Variants in LRRIQ1 observed in about 807,000 individuals in gnomAD.
LRRIQ1 encodes leucine-rich repeat- and IQ domain-containing protein 1.
A neutral mutation model predicts 211.9 loss-of-function variants in LRRIQ1; 210 were observed. The observed-to-expected ratio is 0.99, with a 90% confidence interval of 0.89 to 1.11. The LOEUF is 1.11. Ranked by LOEUF, LRRIQ1 falls within the 50% of genes most tolerant of loss-of-function variation. LRRIQ1 has a pLI of 0.00. For missense variants in LRRIQ1, 2,136 were observed against 1,939.5 expected (o/e 1.10, Z -1.90); for synonymous variants, 699 against 650.1 (o/e 1.08, Z -1.14).
chr12:85,105,469 C>T (rs1476421719), intron 14 of LRRIQ1, among the ~76,000 whole-genome samples: 1 of 151,986 alleles, frequency 6.6e-6, no homozygotes, highest in Non-Finnish European at 1.5e-5. Flanking sequence ...AATTACTTTG[C>T]CACCTTTGTG....
intron 11 of LRRIQ1, among the ~76,000 whole-genome samples, chr12:85,090,590 T>A (rs1229036626): frequency 6.6e-6 from 1 of 152,162 alleles, no homozygotes; most frequent in Non-Finnish European, 1.5e-5. Context: ...CCTTGCTGGG[T>A]TTTGAATTTG....
intron 24 of LRRIQ1, among the ~76,000 whole-genome samples, chr12:85,183,623 T>C (rs1263208814): frequency 3.3e-5 from 5 of 152,162 alleles, no homozygotes; most frequent in Non-Finnish European, 1.5e-5. Context: ...AATAATTATG[T>C]GATTTTATCC....
intron 24 of LRRIQ1, among the ~76,000 whole-genome samples, chr12:85,196,058 A>G (rs1892888894): frequency 6.6e-6 from 1 of 152,116 alleles, no homozygotes; most frequent in Admixed American, 6.6e-5. Context: ...CCAAATCATG[A>G]GTGAACTCCC....
chr12:85,230,270 G>A (rs772543083), intron 25 of LRRIQ1, among the ~76,000 whole-genome samples: 17 of 152,114 alleles, frequency 1.1e-4, no homozygotes, highest in Non-Finnish European at 2.2e-4. Flanking sequence ...TACCAGATTG[G>A]GTAGTTTAAA....
rs149387960 is a variant in LRRIQ1, at chr12:85,057,005, A to T, written c.2212A>T (p.Ile738Phe). The change falls in exon 8 of 27, where the codon ATT becomes TTT. Residue 738 changes from isoleucine to phenylalanine, a missense_variant. Transcript: ENST00000393217. ...CVSESTLLYS[I>F]EERRLAWIKS... The stretch of plus-strand genomic sequence containing the variant: ...ATCAGAGTCAACCCTTCTATATTCT[A>T]TTGAAGAAAGGAGACTAGCCTGGAT... 4 of 1,605,858 alleles carry T rather than the reference A, an allele frequency of 2.5e-6. No homozygotes were observed. The highest frequency in any genetic ancestry group is 8.5e-7 in the Non-Finnish European group (1 of 1,177,458).
chr12:85,151,554 T>C (rs1890243864), intron 19 of LRRIQ1, among the ~76,000 whole-genome samples: 1 of 151,636 alleles, frequency 6.6e-6, no homozygotes, highest in African/African-American at 2.4e-5. Flanking sequence ...ATATATTCAA[T>C]CAAGTAAAAA....
chr12:85,046,251 T>A, intron 5 of LRRIQ1, 114 bp downstream of exon 5: 2 of 616,108 alleles, frequency 3.2e-6, no homozygotes, highest in Non-Finnish European at 5.8e-6. Flanking sequence ...GCAATTACAA[T>A]GTTTGAAGAT....
At chr12:85,193,739 C>A (rs1477967515) in intron 24 of LRRIQ1, among the ~76,000 whole-genome samples, 1 of 151,532 alleles carries the variant, frequency 6.6e-6, no homozygotes, top group Non-Finnish European at 1.5e-5. Context: ...TAAAGACCAT[C>A]GAGACTAGGA....
rs540698777 is a variant in LRRIQ1 at position 85,119,923 on chromosome 12, C to G, written c.3378-1774C>G. ...GATATATTGGATAACAGTTCTTAAA[C>G]AGATACATCTTTTGAAATGTTGTCT... On this transcript the variant is annotated intron_variant, in intron 15 of 26. Coordinates refer to ENST00000393217, the MANE Select transcript of LRRIQ1 (RefSeq NM_001079910.2). Among the ~76,000 whole-genome samples the G allele has an allele frequency of 8.5e-5, 13 of 152,220 alleles. No homozygotes were observed. In the South Asian group the frequency reaches 2.7e-3, roughly 32 times the overall value.
intron 24 of LRRIQ1, among the ~76,000 whole-genome samples, chr12:85,183,554 G>T (rs564211044): frequency 1.3e-5 from 2 of 151,596 alleles, no homozygotes; most frequent in South Asian, 4.2e-4. Context: ...AAAATAAAGT[G>T]AATATAAAAA....
chr12:85,260,626 C>G (rs1266285623), intron 1 of LRRIQ1, among the ~76,000 whole-genome samples: 1 of 152,136 alleles, frequency 6.6e-6, no homozygotes, highest in African/African-American at 2.4e-5. Flanking sequence ...TCTACCTCCA[C>G]CGGTGGCCCC....
intron 25 of LRRIQ1, among the ~76,000 whole-genome samples, chr12:85,230,565 C>T (rs1020293134): frequency 6.6e-6 from 1 of 152,124 alleles, no homozygotes; most frequent in Non-Finnish European, 1.5e-5. Flanking sequence ...GGGGTTAGAA[C>T]TTCAATATAT....
intron 11 of LRRIQ1, among the ~76,000 whole-genome samples, chr12:85,089,901 T>C (rs1305070597): frequency 6.6e-6 from 1 of 152,186 alleles, no homozygotes; most frequent in Non-Finnish European, 1.5e-5. Context: ...AGGAGGCAAG[T>C]GCTGATAGCC....
intron 1 of LRRIQ1, among the ~76,000 whole-genome samples, chr12:85,253,203 C>CA: frequency 6.6e-6 from 1 of 151,932 alleles, no homozygotes; most frequent in Non-Finnish European, 1.5e-5. Flanking sequence ...TCTTTCCATT[C>CA]CTACAGCAAG....
downstream of LRRIQ1, among the ~76,000 whole-genome samples, chr12:85,268,743 A>G (rs1169291970): frequency 2.0e-5 from 3 of 151,984 alleles, no homozygotes; most frequent in Non-Finnish European, 4.4e-5. Flanking sequence ...AGAGAAGGAT[A>G]TCCACCACTT....
chr12:85,112,153 A>G (rs990303941), intron 15 of LRRIQ1, among the ~76,000 whole-genome samples: 5 of 151,948 alleles, frequency 3.3e-5, no homozygotes, highest in Non-Finnish European at 7.4e-5. Context: ...TTAAATAAAT[A>G]TTGTTCATTT....
At chr12:85,069,602 G>A (rs1440412035) in intron 10 of LRRIQ1, among the ~76,000 whole-genome samples, 2 of 151,632 alleles carry the variant, frequency 1.3e-5, no homozygotes, top group Non-Finnish European at 3.0e-5. Flanking sequence ...TCCAGCACTT[G>A]TTGTTTCCTG....
intron 18 of LRRIQ1, among the ~76,000 whole-genome samples, chr12:85,128,624 T>C (rs1592849108): frequency 6.6e-6 from 1 of 152,072 alleles, no homozygotes; most frequent in African/African-American, 2.4e-5. Context: ...CAACTTCTCA[T>C]CAAGTATGTC....
At chr12:85,196,549 C>G (rs1195845091) in intron 24 of LRRIQ1, among the ~76,000 whole-genome samples, 24 of 151,966 alleles carry the variant, frequency 1.6e-4, no homozygotes, top group Non-Finnish European at 3.2e-4. Flanking sequence ...TGATCTTTGA[C>G]AAACCTGAGA....
Sources: gnomAD v4.1 joint callset for allele counts (sites outside exome capture counted in the v4.1 genomes callset) on GRCh38, gnomAD v4.1.1 for gene constraint, MANE v1.5 for transcripts, NCBI Gene and HGNC (gene_info 2026-07-23, HGNC 2026-07-21) for gene names.